AGAP1: variants seen among roughly 807,000 people sequenced by gnomAD.
AGAP1 encodes ArfGAP with GTPase domain, ankyrin repeat and PH domain 1.
In AGAP1, 29 loss-of-function variants were observed where a neutral mutation model predicts 105.3. The ratio of observed to expected loss-of-function variants is 0.28; its 90% confidence interval spans 0.21 to 0.38. The LOEUF is 0.38. Among genes scored for constraint, AGAP1 ranks in the 10% least tolerant of loss-of-function variants. The probability of loss-of-function intolerance (pLI) is 1.00; values close to 1 mark genes in which losing one functional copy is unlikely to be tolerated. For missense variants in AGAP1, 998 were observed against 1,165.1 expected, an observed-to-expected ratio of 0.86 and a Z score of 2.09; for synonymous variants, 509 against 485.9, an observed-to-expected ratio of 1.05 and a Z score of -0.63.
chr2:236,081,334 A>G (rs1365395508), intron 16 of AGAP1, among the ~76,000 whole-genome samples: 1 of 152,190 alleles, frequency 6.6e-6, no homozygotes, highest in Non-Finnish European at 1.5e-5. Context: ...TACACTTGCC[A>G]TACTGACCCC....
At position 236,036,668 on chromosome 2, in the gene AGAP1, A is replaced by T. The variant is rs2057391784; in HGVS notation, c.1753A>T (p.Ser585Cys). ...GGACGCCTGGGTCCAAGCCATCGAG[A>T]GCCAGATCCTGGCCAGCCTGCAGTC... Reference protein sequence around the residue: ...ERDAWVQAIESQILASLQSCE... With the variant: ...ERDAWVQAIECQILASLQSCE... Residue 585 changes from serine to cysteine, a missense_variant, in exon 14 of 18, where the codon AGC (serine) becomes TGC (cysteine). Ser to Cys is a moderately radical substitution (Grantham distance 112, BLOSUM62 -1). This residue lies in a region of AGAP1 where 735 missense variants were observed against 833.4 expected (regional missense o/e 0.88). Coordinates refer to ENST00000304032, the MANE Select transcript of AGAP1 (RefSeq NM_001037131.3). The surrounding 1 kb of genome is among the most constrained non-coding windows in gnomAD (Gnocchi z 5.7). 2.5e-6 allele frequency: 4 copies of T among 1,614,194 alleles called. No individual in the cohort carries two copies. The African/African-American group carries it at 5.3e-5, about 22-fold the overall frequency.
At chr2:235,892,626 G>A (rs2050598071) in intron 10 of AGAP1, among the ~76,000 whole-genome samples, 1 of 151,770 alleles carries the variant, frequency 6.6e-6, no homozygotes, top group African/African-American at 2.4e-5. Context: ...GCTCGTGGCT[G>A]TGCTCAGTGC....
In AGAP1 at chr2:235,535,558, C is replaced by T. The variant is rs1447743251; in HGVS notation, c.163+40709C>T. Among the ~76,000 whole-genome samples the T allele has an allele frequency of 1.3e-5, 2 of 151,540 alleles. No individual in the cohort carries two copies. The highest frequency in any genetic ancestry group is 3.9e-4 in the East Asian group (2 of 5,140). On this transcript the variant is annotated intron_variant, in intron 1 of 17. Transcript: ENST00000304032. The surrounding 1 kb of genome is among the most constrained non-coding windows in gnomAD (Gnocchi z 5.1). Reference sequence around the variant, plus strand: ...TATCCTCCCCTCTCTCTGTTCTGCGCGGCAGGTAGCAAGGAACGGTGGCGG... The same window carrying T: ...TATCCTCCCCTCTCTCTGTTCTGCGTGGCAGGTAGCAAGGAACGGTGGCGG...
At chr2:235,836,131 C>G (rs148952801) in intron 9 of AGAP1, among the ~76,000 whole-genome samples, 1 of 152,288 alleles carries the variant, frequency 6.6e-6, no homozygotes, top group Non-Finnish European at 1.5e-5. Flanking sequence ...GGAACATTAA[C>G]AAATTGATTT....
intron 16 of AGAP1, among the ~76,000 whole-genome samples, chr2:236,052,421 C>T (rs1458488636): frequency 1.3e-5 from 2 of 152,162 alleles, no homozygotes; most frequent in Non-Finnish European, 2.9e-5. Flanking sequence ...CCTATTCGTG[C>T]GGCCAGTTAG....
chr2:235,876,328 G>T (rs879533395), intron 9 of AGAP1, among the ~76,000 whole-genome samples: 2 of 152,172 alleles, frequency 1.3e-5, no homozygotes, highest in Admixed American at 1.3e-4. Flanking sequence ...AGGAAAAATT[G>T]TGCTGACCCT....
At chr2:236,079,575 T>TAC (rs1201336730) in intron 16 of AGAP1, among the ~76,000 whole-genome samples, 8 of 150,212 alleles carry the variant, frequency 5.3e-5, no homozygotes, top group Admixed American at 1.3e-4. Context: ...CACACATACA[T>TAC]ACACACACAC....
At chr2:236,107,495 A>G (rs536236984) in intron 16 of AGAP1, among the ~76,000 whole-genome samples, 48 of 152,330 alleles carry the variant, frequency 3.2e-4, no homozygotes, top group African/African-American at 1.2e-3. Context: ...GAGGTTGCAT[A>G]TGCACTGTGA....
chr2:235,504,647 T>C (rs538672026), intron 1 of AGAP1, among the ~76,000 whole-genome samples: 26 of 152,230 alleles, frequency 1.7e-4, no homozygotes, highest in Admixed American at 6.5e-5. Context: ...GGCTGTGTCT[T>C]TCTCTCTGTG....
intron 1 of AGAP1, among the ~76,000 whole-genome samples, chr2:235,652,604 A>G (rs1232503756): frequency 6.6e-6 from 1 of 152,116 alleles, no homozygotes; most frequent in Non-Finnish European, 1.5e-5. Flanking sequence ...AACATAAGTG[A>G]TCCTAGGCCG....
chr2:235,718,646 G>T (rs77976865), intron 3 of AGAP1, among the ~76,000 whole-genome samples: 4 of 152,272 alleles, frequency 2.6e-5, no homozygotes, highest in African/African-American at 9.6e-5. Flanking sequence ...TGAATACTGC[G>T]GAACCGTTCG....
intron 9 of AGAP1, among the ~76,000 whole-genome samples, chr2:235,850,828 C>G (rs994118635): frequency 7.9e-5 from 12 of 152,316 alleles, no homozygotes; most frequent in African/African-American, 2.9e-4. Context: ...CACCCCACAA[C>G]CCACTCATGT....
chr2:236,086,070 T>C (rs1296503072), intron 16 of AGAP1, among the ~76,000 whole-genome samples: 1 of 152,238 alleles, frequency 6.6e-6, no homozygotes, highest in Non-Finnish European at 1.5e-5. Flanking sequence ...TAATCTTCCT[T>C]TTCCTACTGC....
At position 235,549,633 on chromosome 2, in the gene AGAP1, C is replaced by T. The variant is rs980251021; in HGVS notation, c.163+54784C>T. 1.3e-5 allele frequency among the ~76,000 whole-genome samples: 2 copies of T among 152,144 alleles called. No homozygotes were observed. The highest frequency in any genetic ancestry group is 4.8e-5 in the African/African-American group (2 of 41,430). Reference sequence around the variant, plus strand: ...TTGTTTCTTTAAAACTCCTTGGCACCATCTAATTTTTTAAAAATGAGCCTA... The same window carrying T: ...TTGTTTCTTTAAAACTCCTTGGCACTATCTAATTTTTTAAAAATGAGCCTA... On this transcript the variant is annotated intron_variant, in intron 1 of 17. Transcript: ENST00000304032. This position sits in a 1 kb window ranked among gnomAD's most constrained non-coding sequence, Gnocchi z 4.2.
At position 235,741,151 on chromosome 2, in the gene AGAP1, G is replaced by A; in HGVS notation, c.396+103G>A. 1 of 920,818 alleles carries A rather than the reference G, an allele frequency of 1.1e-6. No homozygotes were observed. The highest frequency in any genetic ancestry group is 3.0e-5 in the South Asian group (1 of 33,874). 57.0% of individuals were successfully genotyped at this position (920,818 alleles called of 1,614,324 possible). On this transcript the variant is annotated intron_variant, in intron 4 of 17. Coordinates refer to ENST00000304032, the MANE Select transcript of AGAP1 (RefSeq NM_001037131.3). This position sits in a 1 kb window ranked among gnomAD's most constrained non-coding sequence, Gnocchi z 4.9. Reference sequence around the variant, plus strand: ...AATCGGTGACTTGGTTTCCAAAAAAGTGGAAACCCCATAAAAAATGTTTCC... The same window carrying A: ...AATCGGTGACTTGGTTTCCAAAAAAATGGAAACCCCATAAAAAATGTTTCC...
At chr2:235,543,096 C>CT (rs1943501442) in intron 1 of AGAP1, among the ~76,000 whole-genome samples, 1 of 91,042 alleles carries the variant, frequency 1.1e-5, no homozygotes, top group Admixed American at 1.0e-4. Context: ...CCTCCTCCCC[C>CT]TCCCCCCCCC....
At chr2:235,880,824 G>A (rs1268328292) in intron 9 of AGAP1, among the ~76,000 whole-genome samples, 1 of 152,158 alleles carries the variant, frequency 6.6e-6, no homozygotes, top group African/African-American at 2.4e-5. Flanking sequence ...CTGAAGAGGG[G>A]TCTCTCATGA....
rs1033587205 is a variant in AGAP1, at chr2:235,872,894, G to A, written c.1051-10451G>A. Among the ~76,000 whole-genome samples the A allele has an allele frequency of 2.0e-5, 3 of 152,208 alleles. No homozygotes were observed. The highest frequency in any genetic ancestry group is 2.9e-5 in the Non-Finnish European group (2 of 68,044). ...TGTGGACTAAGAAGGGGCTTGGCTT[G>A]TGTTGCCACATGTGAGAAGACCTCT... On this transcript the variant is annotated intron_variant, in intron 9 of 17. Coordinates refer to ENST00000304032, the MANE Select transcript of AGAP1 (RefSeq NM_001037131.3). This position sits in a 1 kb window ranked among gnomAD's most constrained non-coding sequence, Gnocchi z 4.5.
chr2:235,519,077 A>T (rs1942514642), intron 1 of AGAP1, among the ~76,000 whole-genome samples: 1 of 152,130 alleles, frequency 6.6e-6, no homozygotes, highest in African/African-American at 2.4e-5. Flanking sequence ...GTGTGTGTGT[A>T]TGTGTTTATT....
Sources: gnomAD v4.1 joint callset for allele counts (sites outside exome capture counted in the v4.1 genomes callset) on GRCh38, gnomAD v4.1.1 for gene constraint, gnomAD v4.1.1 regional missense constraint, Gnocchi (gnomAD v3.1) non-coding constraint, MANE v1.5 for transcripts, NCBI Gene and HGNC (gene_info 2026-07-23, HGNC 2026-07-21) for gene names.